The following GALNT14 variants were observed in gnomAD, a reference collection of about 807,000 sequenced individuals.
GALNT14 encodes the protein UDP-GalNAc:polypeptide N-acetylgalactosaminyltransferase 14.
GALNT14 carries 60 observed loss-of-function variants against 77.5 expected under a neutral mutation model. The ratio of observed to expected loss-of-function variants is 0.77; its 90% CI spans 0.63 to 0.96. The LOEUF (loss-of-function observed/expected upper bound fraction) is 0.96. GALNT14 is among the 40% of genes least tolerant of loss of function. The probability of loss-of-function intolerance (pLI) is 0.00; values close to 1 mark genes in which losing one functional copy is unlikely to be tolerated. For missense variants in GALNT14, 710 were observed against 731.0 expected (o/e 0.97, Z 0.33); for synonymous variants, 280 against 281.7 (o/e 0.99, Z 0.06).
At chr2:30,968,663 C>T (rs1036870606) in intron 2 of GALNT14, among the ~76,000 whole-genome samples, 3 of 152,226 alleles carry the variant, frequency 2.0e-5, no homozygotes, top group African/African-American at 7.2e-5. Flanking sequence ...AGACTTCCAA[C>T]TGCAGTTCAA....
At chr2:30,936,315 G>A (rs538744229) in intron 9 of GALNT14, among the ~76,000 whole-genome samples, 1 of 152,148 alleles carries the variant, frequency 6.6e-6, no homozygotes, top group Admixed American at 6.5e-5. Context: ...AGGGGAGAAG[G>A]AGCAGCTTTC....
intron 1 of GALNT14, among the ~76,000 whole-genome samples, chr2:31,135,550 G>A (rs1390693190): frequency 1.3e-5 from 2 of 152,110 alleles, no homozygotes; most frequent in South Asian, 2.1e-4. Context: ...ATAGTAAGAG[G>A]TGTCAAGATT....
intron 6 of GALNT14, among the ~76,000 whole-genome samples, chr2:30,950,914 A>G (rs1666986759): frequency 6.6e-6 from 1 of 152,174 alleles, no homozygotes; most frequent in Non-Finnish European, 1.5e-5. Context: ...TGAACTTGGG[A>G]CCACTGGGAT....
the GALNT14 span, among the ~76,000 whole-genome samples, chr2:30,894,189 A>C: frequency 3.3e-5 from 5 of 152,292 alleles, no homozygotes; most frequent in Middle Eastern, 3.4e-3. Context: ...GATCAGGATA[A>C]CACCACCTTC....
At chr2:31,073,678 G>C (rs1167197006) in intron 1 of GALNT14, among the ~76,000 whole-genome samples, 4 of 152,142 alleles carry the variant, frequency 2.6e-5, no homozygotes, top group Non-Finnish European at 5.9e-5. Context: ...AGGGTGGCAG[G>C]GAAGGAGATG....
At chr2:30,925,002 C>G (rs1665281757) in intron 11 of GALNT14, among the ~76,000 whole-genome samples, 179 bp from the exon 12 acceptor site, 1 of 152,180 alleles carries the variant, frequency 6.6e-6, no homozygotes, top group East Asian at 1.9e-4. Flanking sequence ...TAACTGCAGA[C>G]AGAGCTATGG....
Position 31,121,361 on chromosome 2 carries a change from A to G in GALNT14, c.129+16597T>C, listed in dbSNP as rs566414804. Among the ~76,000 whole-genome samples the G allele has an allele frequency of 4.1e-4, 63 of 152,340 alleles. No homozygotes were observed. The South Asian group carries it at 0.013, about 31-fold the overall frequency. On this transcript the variant is annotated intron_variant, in intron 1 of 14. Coordinates refer to ENST00000349752, the MANE Select transcript of GALNT14 (RefSeq NM_024572.4). ...ACACAGCAACGCTCATTTAGGCCAG[A>G]AGGGTAAGAGAAAGGGAATGCCAAG...
At chr2:31,134,698 CT>C (rs1185266506) in intron 1 of GALNT14, among the ~76,000 whole-genome samples, 1 of 152,158 alleles carries the variant, frequency 6.6e-6, no homozygotes, top group Non-Finnish European at 1.5e-5. Flanking sequence ...CACAAACCCC[CT>C]GGGAGCTCTC....
chr2:31,001,540 A>G (rs1184639921), intron 1 of GALNT14, among the ~76,000 whole-genome samples: 4 of 152,204 alleles, frequency 2.6e-5, no homozygotes. Flanking sequence ...CTCCCAGAAG[A>G]AGCAAATGTA....
intron 6 of GALNT14, among the ~76,000 whole-genome samples, chr2:30,955,414 C>T (rs189735334): frequency 2.0e-5 from 3 of 152,292 alleles, no homozygotes; most frequent in African/African-American, 4.8e-5. Context: ...CAACACATCC[C>T]GGTCCTTGCT....
chr2:30,987,009 A>C (rs1327729133), intron 2 of GALNT14: 1 of 152,242 alleles, frequency 6.6e-6, no homozygotes, highest in East Asian at 1.9e-4. Context: ...GCATTCATCT[A>C]TAATTGTGTG....
chr2:30,932,317 GTAGGCTCCACTGGCTGA>G, intron 9 of GALNT14, 123 bp from the exon 10 acceptor site: 1 of 917,398 alleles, frequency 1.1e-6, no homozygotes, highest in Non-Finnish European at 1.5e-6. Flanking sequence ...CAGCCAGTCT[GTAGGCTCCACTGGCTGA>G]GAGACCTCAG....
At chr2:30,999,223 G>T (rs1012418885) in intron 1 of GALNT14, among the ~76,000 whole-genome samples, 1 of 152,122 alleles carries the variant, frequency 6.6e-6, no homozygotes, top group Non-Finnish European at 1.5e-5. Flanking sequence ...ATCCCTCCTG[G>T]GTCCAGCTAG....
intron 6 of GALNT14, among the ~76,000 whole-genome samples, chr2:30,947,292 A>G (rs558663046): frequency 8.6e-5 from 13 of 151,992 alleles, no homozygotes; most frequent in Middle Eastern, 3.4e-3. Flanking sequence ...CAAAGTACAA[A>G]CTCCTTAGCA....
intron 1 of GALNT14, among the ~76,000 whole-genome samples, chr2:31,136,443 G>A (rs900022916): frequency 3.9e-5 from 6 of 152,064 alleles, no homozygotes; most frequent in African/African-American, 1.5e-4. Flanking sequence ...CCTCCTCCAG[G>A]GAGACCTCAG....
chr2:31,053,101 C>T (rs1331269476), intron 1 of GALNT14, among the ~76,000 whole-genome samples: 1 of 152,144 alleles, frequency 6.6e-6, no homozygotes, highest in Non-Finnish European at 1.5e-5. Flanking sequence ...CCCAGGCTCC[C>T]AAACAGCTCA....
chr2:31,097,965 C>G (rs1488677419), intron 1 of GALNT14, among the ~76,000 whole-genome samples: 2 of 152,136 alleles, frequency 1.3e-5, no homozygotes, highest in Non-Finnish European at 2.9e-5. Flanking sequence ...TAGTTAATTT[C>G]CATGATCTGT....
At chr2:30,931,200 C>T (rs908346860) in intron 10 of GALNT14, among the ~76,000 whole-genome samples, 7 of 152,164 alleles carry the variant, frequency 4.6e-5, no homozygotes, top group Non-Finnish European at 7.3e-5. Flanking sequence ...CCCATGTCTC[C>T]TCAGGACAGC....
At chr2:30,999,590 C>T (rs1449777419) in intron 1 of GALNT14, among the ~76,000 whole-genome samples, 1 of 152,160 alleles carries the variant, frequency 6.6e-6, no homozygotes, top group East Asian at 1.9e-4. Flanking sequence ...GAGACCCTGC[C>T]ATATGTGTGC....
Sources: gnomAD v4.1 joint callset for allele counts (sites outside exome capture counted in the v4.1 genomes callset) on GRCh38, gnomAD v4.1.1 for gene constraint, MANE v1.5 for transcripts, NCBI Gene and HGNC (gene_info 2026-07-23, HGNC 2026-07-21) for gene names.